Variants in SNTG1 observed in about 807,000 individuals in gnomAD.
The protein encoded by SNTG1 is gamma-1-syntrophin.
SNTG1 carries 39 observed loss-of-function variants against 74.7 expected under a neutral mutation model. That is an observed-to-expected ratio of 0.52 (90% CI 0.40 to 0.68). SNTG1 has a LOEUF of 0.68. Among genes scored for constraint, SNTG1 ranks in the 30% least tolerant of loss-of-function variants. The pLI is 0.00. For synonymous variants in SNTG1, 254 were observed against 217.1 expected (o/e 1.17, Z -1.49); for missense variants, 685 against 609.5 (o/e 1.12, Z -1.30).
intron 8 of SNTG1, among the ~76,000 whole-genome samples, chr8:50,465,600 T>C (rs1303660537): frequency 1.3e-5 from 2 of 152,196 alleles, no homozygotes; most frequent in Non-Finnish European, 2.9e-5. Context: ...AGGATCCATT[T>C]GTTCCTACTA....
chr8:50,327,627 A>C (rs905841294), intron 2 of SNTG1, among the ~76,000 whole-genome samples: 1 of 152,270 alleles, frequency 6.6e-6, no homozygotes, highest in African/African-American at 2.4e-5. Flanking sequence ...CTGTGTTTTA[A>C]TTGGTATGTT....
intron 2 of SNTG1, among the ~76,000 whole-genome samples, chr8:50,196,654 A>G (rs1280186041): frequency 2.0e-5 from 3 of 151,994 alleles, no homozygotes. Context: ...AACATTCTTG[A>G]TGTTTTAAAA....
chr8:50,402,280 A>G lies in SNTG1; in HGVS notation c.98A>G (p.Lys33Arg). ...EPFKVRLHLA[K>R]DILMIQEQDV... ...TTCAAAGTGCGGCTGCACCTAGCCA[A>G]AGACATTTTGATGATCCAGGAACAG... Residue 33 changes from lysine (K) to arginine (R), a missense_variant, in exon 4 of 19, where the codon AAA becomes AGA. Coordinates refer to ENST00000642720, the MANE Select transcript of SNTG1 (RefSeq NM_018967.5). 1 of 1,613,942 alleles carries G rather than the reference A, an allele frequency of 6.2e-7. No individual in the cohort carries two copies. Among genetic ancestry groups the G allele is most frequent in the Non-Finnish European group, 8.5e-7 (1 of 1,179,974 alleles).
intron 1 of SNTG1, among the ~76,000 whole-genome samples, chr8:49,913,605 T>G (rs577913260): frequency 6.6e-6 from 1 of 152,190 alleles, no homozygotes; most frequent in Non-Finnish European, 1.5e-5. Flanking sequence ...TTGCCCTATA[T>G]AGGTCAAGAA....
At chr8:50,657,963 C>T (rs2095193973) in intron 14 of SNTG1, among the ~76,000 whole-genome samples, 1 of 152,158 alleles carries the variant, frequency 6.6e-6, no homozygotes, top group African/African-American at 2.4e-5. Context: ...ATTTAGAAAT[C>T]ATCAGGTCTA....
chr8:50,249,818 A>T (rs529975840), intron 2 of SNTG1, among the ~76,000 whole-genome samples: 2 of 152,312 alleles, frequency 1.3e-5, no homozygotes, highest in African/African-American at 2.4e-5. Flanking sequence ...ATTTACAGGA[A>T]AAAGCTTTTT....
chr8:50,171,387 G>A (rs1416854563), intron 1 of SNTG1, among the ~76,000 whole-genome samples: 2 of 152,136 alleles, frequency 1.3e-5, no homozygotes, highest in Admixed American at 6.5e-5. Flanking sequence ...AGCGCAGGAA[G>A]CATCCAGCAC....
intron 1 of SNTG1, among the ~76,000 whole-genome samples, chr8:49,997,368 A>G (rs1405635491): frequency 6.6e-6 from 1 of 152,004 alleles, no homozygotes; most frequent in Non-Finnish European, 1.5e-5. Flanking sequence ...ATATAAATAT[A>G]TTGTTATTTT....
Position 50,698,100 on chromosome 8 carries a change from AT to A in SNTG1, c.1039-6493del, listed in dbSNP as rs549500266. On this transcript the variant is annotated intron_variant, in intron 15 of 18. Transcript: ENST00000642720. Reference sequence around the variant, plus strand: ...TTGGGAGACTTTTCGTAGTTGGGAGATTTTTTTATTGGATTTTAAATCCAAT... The same window carrying A: ...TTGGGAGACTTTTCGTAGTTGGGAGATTTTTTATTGGATTTTAAATCCAAT... 9.3e-3 allele frequency among the ~76,000 whole-genome samples: 1,405 copies of A among 151,736 alleles called. 30 individuals carry two copies. Among genetic ancestry groups the A allele is most frequent in the African/African-American group, 0.031 (1,294 of 41,354 alleles).
intron 2 of SNTG1, among the ~76,000 whole-genome samples, chr8:50,280,574 G>A (rs2088383952): frequency 6.6e-6 from 1 of 152,146 alleles, no homozygotes; most frequent in South Asian, 2.1e-4. Context: ...TATATATGAG[G>A]TACACAAGCG....
intron 1 of SNTG1, among the ~76,000 whole-genome samples, chr8:50,157,409 T>C (rs1352214416): frequency 1.3e-5 from 2 of 151,990 alleles, no homozygotes; most frequent in African/African-American, 2.4e-5. Context: ...GTTTAAATTG[T>C]CCCCCCAATA....
At chr8:50,043,107 G>T (rs2130828616) in intron 1 of SNTG1, among the ~76,000 whole-genome samples, 1 of 152,130 alleles carries the variant, frequency 6.6e-6, no homozygotes, top group African/African-American at 2.4e-5. Flanking sequence ...AAAGAATGAA[G>T]ATAACACAAT....
chr8:50,766,247 G>A (rs1456796282), intron 18 of SNTG1, among the ~76,000 whole-genome samples: 1 of 151,924 alleles, frequency 6.6e-6, no homozygotes, highest in Admixed American at 6.6e-5. Flanking sequence ...TCTATTTCTT[G>A]CTCTGATCTC....
chr8:49,931,297 C>A (rs577042748), intron 1 of SNTG1, among the ~76,000 whole-genome samples: 1 of 152,192 alleles, frequency 6.6e-6, no homozygotes, highest in African/African-American at 2.4e-5. Flanking sequence ...ATCCTATAAA[C>A]CAGGGACTGT....
chr8:50,577,123 C>T (rs959040835), intron 12 of SNTG1, among the ~76,000 whole-genome samples: 2 of 152,068 alleles, frequency 1.3e-5, no homozygotes, highest in African/African-American at 2.4e-5. Context: ...TTATGTATGG[C>T]TTATGTTCCG....
At chr8:50,691,016 C>G (rs1461708706) in intron 15 of SNTG1, among the ~76,000 whole-genome samples, 1 of 152,124 alleles carries the variant, frequency 6.6e-6, no homozygotes, top group African/African-American at 2.4e-5. Context: ...CCTTCTTTGT[C>G]TCTTTTGATC....
intron 2 of SNTG1, among the ~76,000 whole-genome samples, chr8:50,261,773 T>G (rs887720073): frequency 4.6e-5 from 7 of 152,006 alleles, no homozygotes; most frequent in Non-Finnish European, 8.8e-5. Flanking sequence ...TGAAAAAAAT[T>G]ATAACTGACA....
Position 50,406,894 on chromosome 8 carries a change from A to G in SNTG1, c.162+4550A>G, listed in dbSNP as rs1199127889. ...GACCCCTGTCCCGGGAAGGAATTCTATCTTCTAGGTCTGCATCTGAGGAAA... is the reference window on the plus strand; with the variant it reads ...GACCCCTGTCCCGGGAAGGAATTCTGTCTTCTAGGTCTGCATCTGAGGAAA... On this transcript the variant is annotated intron_variant, in intron 4 of 18. Transcript: ENST00000642720. Among the ~76,000 whole-genome samples, 5 of 152,098 alleles carry G rather than the reference A, an allele frequency of 3.3e-5. No homozygotes were observed. In the South Asian group the frequency reaches 8.3e-4, roughly 25 times the overall value.
chr8:50,278,013 A>T (rs1321753623), intron 2 of SNTG1, among the ~76,000 whole-genome samples: 1 of 152,100 alleles, frequency 6.6e-6, no homozygotes, highest in Non-Finnish European at 1.5e-5. Flanking sequence ...GCTGTACTAA[A>T]AATACAAAAA....
Sources: allele counts gnomAD v4.1 joint callset (sites outside exome capture counted in the v4.1 genomes callset), GRCh38; gene constraint gnomAD v4.1.1; transcripts MANE v1.5; gene names NCBI Gene and HGNC (gene_info 2026-07-23, HGNC 2026-07-21).